UAP1: variants seen among roughly 807,000 people sequenced by gnomAD.
UAP1 encodes UDP-N-acetylhexosamine pyrophosphorylase.
A neutral mutation model predicts 58.5 loss-of-function variants in UAP1; 25 were observed. The observed-to-expected ratio is 0.43, with a 90% CI of 0.31 to 0.60. UAP1 has a LOEUF of 0.60. Ranked by LOEUF, UAP1 falls within the 20% of genes least tolerant of loss-of-function variation. UAP1 has a pLI of 0.11. For synonymous variants in UAP1, 208 were observed against 213.0 expected (o/e 0.98, Z 0.21); for missense variants, 575 against 630.0 (o/e 0.91, Z 0.93).
chr1:162,562,179 C>T lies in UAP1; in HGVS notation c.-58+402C>T, dbSNP rs184930598. On this transcript the variant is annotated intron_variant, in intron 1 of 10. Coordinates refer to ENST00000271469, the Ensembl canonical transcript of UAP1. ...GCCTCTCCCGGGTGGGCAGTAGAGA[C>T]CTCGAGGCTCTCAGGCTAGGGCCTT... Among the ~76,000 whole-genome samples, 68 of 151,398 alleles carry T rather than the reference C, an allele frequency of 4.5e-4. 1 individual carries two copies. Among genetic ancestry groups the T allele is most frequent in the Middle Eastern group, 3.4e-3 (1 of 294 alleles).
chr1:162,590,984 C>T (rs1471586467), intron 8 of UAP1, among the ~76,000 whole-genome samples: 1 of 149,814 alleles, frequency 6.7e-6, no homozygotes, highest in African/African-American at 2.5e-5. Flanking sequence ...AGTGCAGTGG[C>T]ACAGTCTCAG....
chr1:162,594,238 T>C lies in UAP1; in HGVS notation c.1409+1456T>C, dbSNP rs987306479. ...GCACCTAGGTGGTCCCATTTGGGGA[T>C]GATGGGAGACATCATCAGGCATTAG... On this transcript the variant is annotated intron_variant, in intron 9 of 10. Coordinates refer to ENST00000271469, the Ensembl canonical transcript of UAP1. Among the ~76,000 whole-genome samples, 4 of 152,318 alleles carry C rather than the reference T, an allele frequency of 2.6e-5. No homozygotes were observed. The East Asian group carries it at 5.8e-4, about 22-fold the overall frequency.
chr1:162,579,391 G>A (rs1654439843), intron 3 of UAP1, 37 bp from the exon 4 acceptor site: 4 of 1,428,652 alleles, frequency 2.8e-6, no homozygotes, highest in Non-Finnish European at 3.7e-6. Context: ...AGTCCACCTA[G>A]CACGGTTGCT....
intron 8 of UAP1, among the ~76,000 whole-genome samples, chr1:162,590,783 A>C (rs1223840081): frequency 6.6e-6 from 1 of 151,794 alleles, no homozygotes; most frequent in Non-Finnish European, 1.5e-5. Context: ...AAAGACTTCT[A>C]CTAAATAATG....
At chr1:162,581,412 C>T (rs375416203) in exon 5 of UAP1, 19 of 1,613,852 alleles carry the variant, frequency 1.2e-5, no homozygotes, top group Admixed American at 8.3e-5. Context: ...GGCAGACCCA[C>T]GGTTCATTGG....
At chr1:162,572,409 T>C (rs1341545523) in intron 2 of UAP1, among the ~76,000 whole-genome samples, 1 of 152,200 alleles carries the variant, frequency 6.6e-6, no homozygotes, top group African/African-American at 2.4e-5. Context: ...ACTGAATTGA[T>C]GTTGAATGCC....
exon 6 of UAP1, chr1:162,587,506 T>C (rs994996888): frequency 1.2e-6 from 2 of 1,613,892 alleles, no homozygotes; most frequent in South Asian, 1.1e-5. Context: ...ACAGAACCAG[T>C]TGGAGTGGTT....
At chr1:162,571,092 C>CT (rs201314469) in intron 2 of UAP1, among the ~76,000 whole-genome samples, 1,511 of 124,414 alleles carry the variant, frequency 0.012, 5 homozygotes, top group African/African-American at 0.015. Flanking sequence ...GTCTGGCTTT[C>CT]TTTTTTTTTT....
intron 2 of UAP1, among the ~76,000 whole-genome samples, chr1:162,571,220 C>T (rs1653844777): frequency 6.6e-6 from 1 of 151,786 alleles, no homozygotes; most frequent in South Asian, 2.1e-4. Flanking sequence ...CCTCTGCCTC[C>T]CAGGTTCAAG....
At chr1:162,587,391 G>T (rs2101811200) in intron 5 of UAP1, 84 bp from the exon 6 acceptor site, 1 of 1,325,484 alleles carries the variant, frequency 7.5e-7, no homozygotes, top group Non-Finnish European at 1.0e-6. Context: ...AAGCAAAGTT[G>T]TAAATGTCAT....
At chr1:162,588,537 A>G (rs898443084) in intron 6 of UAP1, among the ~76,000 whole-genome samples, 156 bp from the exon 7 acceptor site, 17 of 152,194 alleles carry the variant, frequency 1.1e-4, no homozygotes, top group Non-Finnish European at 1.8e-4. Context: ...GGGGAAAGCT[A>G]TTCATTTACT....
At chr1:162,561,919 C>G (rs933014118) in intron 1 of UAP1, 142 bp downstream of exon 1, 2 of 152,512 alleles carry the variant, frequency 1.3e-5, no homozygotes, top group African/African-American at 4.8e-5. Context: ...CAGCCGAGCA[C>G]ACGCCGAGGA....
downstream of UAP1, among the ~76,000 whole-genome samples, chr1:162,600,365 A>G (rs958372748): frequency 7.9e-5 from 12 of 152,270 alleles, no homozygotes; most frequent in Non-Finnish European, 1.5e-4. Flanking sequence ...GAGGATTAAA[A>G]AAATAAAAAG....
rs75978908 is a variant in UAP1 at position 162,574,450 on chromosome 1, A to G, written c.281-2327A>G. Among the ~76,000 whole-genome samples the G allele has an allele frequency of 2.0e-3, 311 of 152,294 alleles. 5 individuals are homozygous for G. In the East Asian group the frequency reaches 0.049, roughly 24 times the overall value. ...AGTGTATTAGCTTTAAGAAAACCCA[A>G]TATGTCAAAAACAAAGCACAAAGTT... is the stretch of plus-strand genomic sequence containing the variant. On this transcript the variant is annotated intron_variant, in intron 2 of 10. Transcript: ENST00000271469.
At chr1:162,600,967 A>C (rs80271122), downstream of UAP1, among the ~76,000 whole-genome samples, 303 of 152,130 alleles carry the variant, frequency 2.0e-3, 6 homozygotes, top group East Asian at 0.049. Flanking sequence ...CCTGCTATTT[A>C]TTCTTCTCCT....
chr1:162,587,514 G>T, exon 6 of UAP1: 1 of 1,613,954 alleles, frequency 6.2e-7, no homozygotes, highest in Non-Finnish European at 8.5e-7. Flanking sequence ...AGTTGGAGTG[G>T]TTTGCCGAGT....
At chr1:162,589,121 TTA>T (rs1291917695) in intron 7 of UAP1, among the ~76,000 whole-genome samples, 61 of 116,398 alleles carry the variant, frequency 5.2e-4, no homozygotes, top group African/African-American at 2.1e-3. Context: ...TATATATATT[TTA>T]TATATATAAT....
intron 5 of UAP1, among the ~76,000 whole-genome samples, chr1:162,582,045 A>G (rs1299266534): frequency 6.6e-6 from 1 of 152,204 alleles, no homozygotes; most frequent in African/African-American, 2.4e-5. Flanking sequence ...TTAGTTGTAT[A>G]GGTGATGGCA....
intron 8 of UAP1, 121 bp downstream of exon 8, chr1:162,590,632 T>C (rs1655245750): frequency 7.2e-6 from 5 of 690,218 alleles, no homozygotes; most frequent in Non-Finnish European, 1.1e-5. Flanking sequence ...TTTTGATGTG[T>C]GAACAGTTCC....
Sources: allele counts gnomAD v4.1 joint callset (sites outside exome capture counted in the v4.1 genomes callset), GRCh38; gene constraint gnomAD v4.1.1; transcripts MANE v1.5; gene names NCBI Gene and HGNC (gene_info 2026-07-23, HGNC 2026-07-21).